The following C7 variants were observed in gnomAD, a reference collection of about 807,000 sequenced individuals.
The protein encoded by C7 is complement component C7.
C7 carries 83 observed loss-of-function variants against 104.8 expected under a neutral mutation model. That is an observed-to-expected ratio of 0.79 (90% confidence interval 0.66 to 0.95). The LOEUF (loss-of-function observed/expected upper bound fraction) is 0.95, where lower values mean the gene tolerates loss of function less well. Ranked by LOEUF, C7 falls within the 40% of genes least tolerant of loss-of-function variation. The pLI is 0.00. For synonymous variants in C7, 415 were observed against 360.6 expected (o/e 1.15, Z -1.71); for missense variants, 1,070 against 1,011.2 (o/e 1.06, Z -0.79).
rs868082624 is a variant in C7 at position 40,928,613 on chromosome 5, G to T, written c.40G>T (p.Gly14Ter). Reference sequence around the variant, plus strand: ...CTTATTCATTTTGGTGGGATTTATAGGAGAGTTCCAAAGTTTTTCAAGGTG... The same window carrying T: ...CTTATTCATTTTGGTGGGATTTATATGAGAGTTCCAAAGTTTTTCAAGGTG... ...ISLFILVGFI[G>*]EFQSFSSASS... Residue 14 changes from glycine to a stop codon, truncating the protein, a stop_gained, in exon 2 of 18, where the codon GGA (glycine) becomes TGA (stop). Coordinates refer to ENST00000313164, the MANE Select transcript of C7 (RefSeq NM_000587.4). LOFTEE classifies it high-confidence loss of function. 6.4e-7 allele frequency: 1 copy of T among 1,552,930 alleles called. No individual in the cohort carries two copies. The highest frequency in any genetic ancestry group is 8.7e-7 in the Non-Finnish European group (1 of 1,144,846).
At chr5:40,949,866 A>C (rs1740129272) in intron 8 of C7, 38 bp from the exon 9 acceptor site, 1 of 1,279,352 alleles carries the variant, frequency 7.8e-7, no homozygotes, top group Non-Finnish European at 1.1e-6. Flanking sequence ...CAAGGAATGC[A>C]GAAATTAAAC....
intron 1 of C7, among the ~76,000 whole-genome samples, chr5:40,917,417 T>G (rs143679710): frequency 2.2e-4 from 33 of 152,322 alleles, no homozygotes; most frequent in African/African-American, 7.5e-4. Flanking sequence ...TAACATAATG[T>G]TATCTGGGTT....
chr5:40,956,395 A>C (rs2111657960), intron 10 of C7, among the ~76,000 whole-genome samples: 1 of 152,312 alleles, frequency 6.6e-6, no homozygotes, highest in Non-Finnish European at 1.5e-5. Flanking sequence ...AAATGAACTG[A>C]CATAGATGTT....
intron 3 of C7, among the ~76,000 whole-genome samples, chr5:40,931,660 A>C (rs1293926009): frequency 6.6e-6 from 1 of 152,252 alleles, no homozygotes; most frequent in African/African-American, 2.4e-5. Flanking sequence ...TGGATATTAT[A>C]AAAAGCTTCT....
chr5:40,957,394 A>G (rs1319632396), intron 10 of C7, among the ~76,000 whole-genome samples: 1 of 152,220 alleles, frequency 6.6e-6, no homozygotes, highest in Non-Finnish European at 1.5e-5. Context: ...AGGAAATTTA[A>G]TTCTAAATTT....
At position 40,955,469 on chromosome 5, in the gene C7, G is replaced by A. The variant is rs764623737; in HGVS notation, c.1176G>A (p.Glu392=). ...AGFISGLSYL[E]LDNPAGNKRR... ...TCATATCTGGCCTTAGTTACCTAGA[G>A]CTGGACAATCCTGCTGGAAACAAAA... Residue 392 remains glutamate (E), a synonymous_variant, in exon 10 of 18, where the codon GAG becomes GAA. Coordinates refer to ENST00000313164, the MANE Select transcript of C7 (RefSeq NM_000587.4). 2.5e-6 allele frequency: 4 copies of A among 1,613,488 alleles called. No homozygotes were observed. In the South Asian group the frequency reaches 4.4e-5, roughly 18 times the overall value.
At chr5:40,931,221 G>A (rs1739677061) in intron 3 of C7, 82 bp downstream of exon 3, 2 of 979,730 alleles carry the variant, frequency 2.0e-6, no homozygotes, top group East Asian at 2.5e-5. Flanking sequence ...ACTTTTGAAT[G>A]TTCATTAAAT....
chr5:40,915,334 G>T (rs1216005093), intron 1 of C7, among the ~76,000 whole-genome samples: 1 of 152,128 alleles, frequency 6.6e-6, no homozygotes, highest in Non-Finnish European at 1.5e-5. Flanking sequence ...GAGGAGTCAG[G>T]TGGCGCAATT....
intron 14 of C7, among the ~76,000 whole-genome samples, chr5:40,969,407 T>G (rs1028396686): frequency 2.0e-5 from 3 of 149,746 alleles, no homozygotes; most frequent in Non-Finnish European, 3.0e-5. Context: ...GTTTCTATTG[T>G]TTTTTTTGGT....
intron 15 of C7, 40 bp from the exon 16 acceptor site, chr5:40,976,710 C>T: frequency 3.7e-5 from 53 of 1,441,862 alleles, no homozygotes; most frequent in Non-Finnish European, 5.1e-5. Flanking sequence ...TATGAAGAGG[C>T]TTTTCTCCTA....
intron 1 of C7, among the ~76,000 whole-genome samples, chr5:40,912,252 A>G (rs993212548): frequency 2.0e-5 from 3 of 152,230 alleles, no homozygotes; most frequent in Non-Finnish European, 4.4e-5. Context: ...ACATGAACAG[A>G]ACTGGTCTTG....
chr5:40,975,653 C>T (rs1371256250), intron 15 of C7, among the ~76,000 whole-genome samples: 10 of 152,154 alleles, frequency 6.6e-5, no homozygotes, highest in South Asian at 4.2e-4. Flanking sequence ...CGTGAGCCAC[C>T]GCGCCCAGCC....
intron 6 of C7, among the ~76,000 whole-genome samples, chr5:40,938,065 T>C (rs1446297140): frequency 1.3e-5 from 2 of 152,128 alleles, no homozygotes; most frequent in African/African-American, 4.8e-5. Flanking sequence ...TATTTTAAAA[T>C]TGTGAACTAT....
At chr5:40,970,249 T>C (rs904663939) in intron 14 of C7, among the ~76,000 whole-genome samples, 2 of 152,200 alleles carry the variant, frequency 1.3e-5, no homozygotes, top group African/African-American at 2.4e-5. Flanking sequence ...AATGAATGGG[T>C]TTTCTGATGA....
At chr5:40,918,519 A>T (rs368150704) in intron 1 of C7, among the ~76,000 whole-genome samples, 2 of 152,206 alleles carry the variant, frequency 1.3e-5, no homozygotes, top group African/African-American at 4.8e-5. Flanking sequence ...ATGAATAAAA[A>T]AACAAGAGCC....
chr5:40,917,374 T>C (rs1038725271), intron 1 of C7, among the ~76,000 whole-genome samples: 4 of 152,204 alleles, frequency 2.6e-5, no homozygotes, highest in Non-Finnish European at 4.4e-5. Context: ...AGAAAAATAC[T>C]GAATGTTTTA....
intron 6 of C7, among the ~76,000 whole-genome samples, chr5:40,942,218 A>G (rs1739955137): frequency 6.6e-6 from 1 of 152,208 alleles, no homozygotes; most frequent in Admixed American, 6.5e-5. Context: ...GGAAAGTAGG[A>G]AAGAAGGAAT....
rs1169295490 is a variant in C7 at position 40,941,617 on chromosome 5, TAA to T, written c.568-3580_568-3579del. ...AAGAACCTTGGTTAGAAAACTGTTGTAATAATCCCTGAGAGACATAAGAGCGG... is the reference window on the plus strand; with the variant it reads ...AAGAACCTTGGTTAGAAAACTGTTGTTAATCCCTGAGAGACATAAGAGCGG... On this transcript the variant is annotated intron_variant, in intron 6 of 17. Coordinates refer to ENST00000313164, the MANE Select transcript of C7 (RefSeq NM_000587.4). 3.3e-5 allele frequency among the ~76,000 whole-genome samples: 5 copies of T among 152,270 alleles called. No individual in the cohort carries two copies. In the East Asian group the frequency reaches 9.7e-4, roughly 29 times the overall value.
At chr5:40,926,889 GA>G (rs1300483710) in intron 1 of C7, among the ~76,000 whole-genome samples, 3 of 151,430 alleles carry the variant, frequency 2.0e-5, no homozygotes, top group Non-Finnish European at 4.4e-5. Flanking sequence ...CAAAGAAATA[GA>G]AAAAAATCTT....
Sources: gnomAD v4.1 joint callset for allele counts (sites outside exome capture counted in the v4.1 genomes callset) on GRCh38, gnomAD v4.1.1 for gene constraint, MANE v1.5 for transcripts, NCBI Gene and HGNC (gene_info 2026-07-23, HGNC 2026-07-21) for gene names.